The following BCAS1 variants were observed in gnomAD, a reference collection of about 807,000 sequenced individuals.
The protein encoded by BCAS1 is brain enriched myelin associated protein 1, also known as breast carcinoma-amplified sequence 1.
BCAS1 carries 46 observed loss-of-function variants against 65.4 expected under a neutral mutation model. That is an observed-to-expected ratio of 0.70 (90% CI 0.55 to 0.90). The LOEUF (loss-of-function observed/expected upper bound fraction) is 0.90. Ranked by LOEUF, BCAS1 falls within the 40% of genes least tolerant of loss-of-function variation. The probability of loss-of-function intolerance (pLI) is 0.00; values close to 1 mark genes in which losing one functional copy is unlikely to be tolerated. For missense variants in BCAS1, 793 were observed against 771.2 expected, an observed-to-expected ratio of 1.03 and a Z score of -0.33; for synonymous variants, 298 against 293.5, an observed-to-expected ratio of 1.02 and a Z score of -0.16.
At chr20:53,953,374 C>A (rs2089589794) in intron 12 of BCAS1, 58 bp downstream of exon 12, 2 of 1,596,110 alleles carry the variant, frequency 1.3e-6, no homozygotes, top group Non-Finnish European at 1.7e-6. Context: ...CTGACTGGGG[C>A]AGATGGTGTT....
intron 1 of BCAS1, among the ~76,000 whole-genome samples, chr20:54,067,718 C>T (rs770961393): frequency 6.6e-6 from 1 of 152,194 alleles, no homozygotes; most frequent in African/African-American, 2.4e-5. Context: ...GAAAGCACTT[C>T]TGAAACTTCA....
chr20:54,002,039 G>GTT (rs770516511), intron 4 of BCAS1, among the ~76,000 whole-genome samples: 5 of 145,450 alleles, frequency 3.4e-5, no homozygotes, highest in African/African-American at 1.0e-4. Flanking sequence ...CTGGTGGTTG[G>GTT]TTTTTTTTTT....
chr20:54,052,808 A>G (rs1375185830), intron 3 of BCAS1, among the ~76,000 whole-genome samples: 1 of 152,146 alleles, frequency 6.6e-6, no homozygotes, highest in Non-Finnish European at 1.5e-5. Context: ...AAAAATTTCT[A>G]CTTTTTATAA....
chr20:53,951,815 G>A (rs1317853741), intron 12 of BCAS1, among the ~76,000 whole-genome samples: 2 of 152,210 alleles, frequency 1.3e-5, no homozygotes, highest in African/African-American at 4.8e-5. Flanking sequence ...TGAAACCACT[G>A]CAAGGACTAC....
chr20:54,058,593 C>CTTT (rs3043223), intron 2 of BCAS1, 54 bp downstream of exon 2: 25,334 of 1,215,848 alleles, frequency 0.021, 140 homozygotes, highest in South Asian at 0.041. Flanking sequence ...ACAGGAAGTT[C>CTTT]TTTTTTTTTT....
chr20:54,020,523 G>A lies in BCAS1; in HGVS notation c.723+7869C>T, dbSNP rs571683943. On this transcript the variant is annotated intron_variant, in intron 4 of 12. Coordinates refer to ENST00000688948, the MANE Select transcript of BCAS1 (RefSeq NM_001366298.2). ...TGTGTTAGGCAGAGCAGATAATGAC[G>A]TTGCAATAATACATCCTAACAGTCT... Among the ~76,000 whole-genome samples, 76 of 152,276 alleles carry A rather than the reference G, an allele frequency of 5.0e-4. 1 individual carries two copies. Among genetic ancestry groups the A allele is most frequent in the Non-Finnish European group, 8.8e-4 (60 of 68,018 alleles).
intron 8 of BCAS1, among the ~76,000 whole-genome samples, chr20:53,976,941 G>A (rs972758138): frequency 2.0e-5 from 3 of 152,236 alleles, no homozygotes; most frequent in Non-Finnish European, 2.9e-5. Flanking sequence ...GTATTAATCC[G>A]TTTTACACTG....
intron 3 of BCAS1, among the ~76,000 whole-genome samples, chr20:54,032,462 C>G (rs1411863456): frequency 6.6e-6 from 1 of 151,084 alleles, no homozygotes; most frequent in African/African-American, 2.4e-5. Context: ...GGTATCAAAT[C>G]GACACATAGC....
intron 4 of BCAS1, among the ~76,000 whole-genome samples, chr20:54,009,115 T>G (rs1429232931): frequency 6.6e-6 from 1 of 152,170 alleles, no homozygotes; most frequent in African/African-American, 2.4e-5. Flanking sequence ...GCCCGGCCTC[T>G]GACAAAGATT....
intron 3 of BCAS1, among the ~76,000 whole-genome samples, chr20:54,032,674 C>T (rs1211145180): frequency 6.6e-6 from 1 of 150,984 alleles, no homozygotes; most frequent in African/African-American, 2.4e-5. Flanking sequence ...GGGTTGCAAT[C>T]CTAGTTGCCG....
rs1568856693 is a variant in BCAS1, at chr20:53,995,890, A to G, written c.882+2T>C. On this transcript the variant is annotated splice_donor_variant, in intron 5 of 12. Transcript: ENST00000688948. LOFTEE classifies it high-confidence loss of function. ...AGGGGAAAAGAGGAGAAAACTGCTT[A>G]CCAGAGTTTTAAAGAAACTCATGAT... The G allele has an allele frequency of 1.9e-6, 3 of 1,595,610 alleles. No homozygotes were observed. The highest frequency in any genetic ancestry group is 2.6e-6 in the Non-Finnish European group (3 of 1,170,986).
chr20:54,051,207 G>A (rs1333627966), intron 3 of BCAS1, among the ~76,000 whole-genome samples: 1 of 152,160 alleles, frequency 6.6e-6, no homozygotes, highest in East Asian at 1.9e-4. Context: ...AGTGGTGTGT[G>A]GGACTAAATG....
intron 4 of BCAS1, among the ~76,000 whole-genome samples, chr20:54,005,303 A>AAAAAC (rs71196438): frequency 1.7e-3 from 248 of 148,374 alleles, no homozygotes; most frequent in African/African-American, 4.7e-3. Context: ...GAAACAAAGC[A>AAAAAC]AAAACAAAAC....
intron 3 of BCAS1, 91 bp from the exon 4 acceptor site, chr20:54,029,063 C>G: frequency 6.8e-7 from 1 of 1,470,430 alleles, no homozygotes; most frequent in East Asian, 2.4e-5. Flanking sequence ...ATACAAAAGC[C>G]ATACTGCATA....
intron 1 of BCAS1, among the ~76,000 whole-genome samples, chr20:54,065,456 C>T (rs1031580859): frequency 6.6e-6 from 1 of 152,192 alleles, no homozygotes; most frequent in Admixed American, 6.5e-5. Context: ...TTGATAGTCA[C>T]GGTTCAGCTT....
chr20:54,062,057 T>C (rs971577601), intron 1 of BCAS1, among the ~76,000 whole-genome samples: 2 of 152,228 alleles, frequency 1.3e-5, no homozygotes, highest in African/African-American at 2.4e-5. Flanking sequence ...TGCTGGAAGA[T>C]AGTCATGCCC....
chr20:54,068,518 C>T (rs2092473236), intron 1 of BCAS1: 2 of 153,296 alleles, frequency 1.3e-5, no homozygotes, highest in East Asian at 3.9e-4. Flanking sequence ...CTTGCCCTGA[C>T]CCTGGTGCCA....
At chr20:53,990,306 G>C (rs879764632) in intron 7 of BCAS1, among the ~76,000 whole-genome samples, 96 of 152,150 alleles carry the variant, frequency 6.3e-4, no homozygotes, top group Non-Finnish European at 4.3e-4. Flanking sequence ...CCAAACAGTG[G>C]TGGCCACATG....
chr20:54,022,175 G>C (rs208386), intron 4 of BCAS1, among the ~76,000 whole-genome samples: 9,488 of 152,224 alleles, frequency 0.062, 570 homozygotes, highest in East Asian at 0.32. Flanking sequence ...GCGGGCTTGT[G>C]GGGGCTGTGA....
Sources: allele counts gnomAD v4.1 joint callset (sites outside exome capture counted in the v4.1 genomes callset), GRCh38; gene constraint gnomAD v4.1.1; transcripts MANE v1.5; gene names NCBI Gene and HGNC (gene_info 2026-07-23, HGNC 2026-07-21).